Variants in LRRC75B observed in about 807,000 individuals in gnomAD.
LRRC75B encodes leucine-rich repeat-containing protein 75B.
In LRRC75B, 20 loss-of-function variants were observed where a neutral mutation model predicts 16.5. The observed-to-expected ratio is 1.21, with a 90% confidence interval of 0.85 to 1.76. The LOEUF (loss-of-function observed/expected upper bound fraction) is 1.76. Ranked by LOEUF, LRRC75B falls within the 40% of genes most tolerant of loss-of-function variation. LRRC75B has a pLI of 0.00. For missense variants in LRRC75B, 406 were observed against 417.0 expected (o/e 0.97, Z 0.23); for synonymous variants, 199 against 198.1 (o/e 1.00, Z -0.04).
At chr22:24,592,436 G>A (rs557591301) in intron 1 of LRRC75B, 2 of 470,310 alleles carry the variant, frequency 4.3e-6, no homozygotes, top group Non-Finnish European at 8.8e-6. Flanking sequence ...GGAGGAGGGG[G>A]AAGTTACCCT....
chr22:24,592,410 C>T (rs1405417360), intron 1 of LRRC75B: 2 of 470,840 alleles, frequency 4.2e-6, no homozygotes, highest in Admixed American at 4.7e-5. Flanking sequence ...CCAGGGTCCA[C>T]TGTCTCCCGG....
chr22:24,585,887 C>A lies in LRRC75B; in HGVS notation c.947G>T (p.Ter316LeuextTer10). ...GPEPQACCAR[*>L] ...GCAATGAGCCAGGTGGGTGGTGGGT[C>A]ACCTGGCACAGCAGGCCTGGGGCTC... Residue 316 changes from the stop codon to leucine, a stop_lost, in exon 4 of 4, where the codon TGA (stop) becomes TTA (leucine). Transcript: ENST00000318753. The A allele has an allele frequency of 6.3e-7, 1 of 1,578,190 alleles. No homozygotes were observed. Among genetic ancestry groups the A allele is most frequent in the South Asian group, 1.1e-5 (1 of 88,678 alleles).
intron 3 of LRRC75B, 138 bp downstream of exon 3, chr22:24,588,076 T>C (rs1601588929): frequency 4.4e-6 from 3 of 678,910 alleles, no homozygotes; most frequent in Admixed American, 4.6e-5. Flanking sequence ...ACTTCCAGGG[T>C]AGGGCCCTCA....
chr22:24,586,691 C>T (rs906370278), intron 3 of LRRC75B, among the ~76,000 whole-genome samples: 1 of 152,254 alleles, frequency 6.6e-6, no homozygotes, highest in Admixed American at 6.5e-5. Context: ...GCCACCACGC[C>T]TGGCTAATTT....
At chr22:24,589,778 C>T in intron 2 of LRRC75B, 43 bp downstream of exon 2, 1 of 1,573,688 alleles carries the variant, frequency 6.4e-7, no homozygotes, top group South Asian at 1.2e-5. Context: ...GCCCCCCTGT[C>T]CACCACAGTG....
intron 3 of LRRC75B, among the ~76,000 whole-genome samples, chr22:24,587,150 T>C (rs2045418662): frequency 6.6e-6 from 1 of 152,176 alleles, no homozygotes; most frequent in African/African-American, 2.4e-5. Context: ...TGATGTCGAT[T>C]CTTTTAGGGT....
At position 24,586,554 on chromosome 22, in the gene LRRC75B, A is replaced by C. The variant is rs9612662; in HGVS notation, c.423-143T>G. 64 of 946,418 alleles carry C rather than the reference A, an allele frequency of 6.8e-5. No individual in the cohort carries two copies. The East Asian group carries it at 1.5e-3, about 22-fold the overall frequency. 58.6% of individuals were successfully genotyped at this position (946,418 alleles called of 1,614,324 possible). On this transcript the variant is annotated intron_variant, in intron 3 of 3. Coordinates refer to ENST00000318753, the MANE Select transcript of LRRC75B (RefSeq NM_207644.3). ...CTGTGTCTTTCGTATTTTTTGAGAC[A>C]AAGTTTCGCTCTTTTTGTCCAGGCT... is the stretch of plus-strand genomic sequence containing the variant.
At position 24,589,856 on chromosome 22, in the gene LRRC75B, C is replaced by G; in HGVS notation, c.271G>C (p.Val91Leu). The change falls in exon 2 of 4, where the codon GTG becomes CTG. Residue 91 changes from valine (V) to leucine (L), a missense_variant. Val to Leu is a conservative substitution (Grantham distance 32, BLOSUM62 1). Transcript: ENST00000318753. ...PVDPISHDLL[V>L]NLARDLQCPK... ...CACTGCAGGTCCCGGGCCAGGTTCA[C>G]AAGCAGGTCATGGGAGATGGGGTCG... 6.2e-7 allele frequency: 1 copy of G among 1,613,830 alleles called. No individual in the cohort carries two copies. Among genetic ancestry groups the G allele is most frequent in the Non-Finnish European group, 8.5e-7 (1 of 1,179,878 alleles).
chr22:24,589,885 G>C lies in LRRC75B; in HGVS notation c.242C>G (p.Pro81Arg), dbSNP rs150007743. 1.2e-6 allele frequency: 2 copies of C among 1,613,666 alleles called. No homozygotes were observed. The highest frequency in any genetic ancestry group is 1.7e-5 in the Admixed American group (1 of 59,946). The stretch of plus-strand genomic sequence containing the variant: ...CAGGTCATGGGAGATGGGGTCGACC[G>C]GGTTGAGGAAGGCCACATCTCTGTA... The part of the protein sequence containing the change: ...ILYRDVAFLN[P>R]VDPISHDLLV... Residue 81 changes from proline to arginine, a missense_variant, in exon 2 of 4, where the codon CCG (proline) becomes CGG (arginine). Transcript: ENST00000318753.
chr22:24,592,359 G>A (rs1169857806), intron 1 of LRRC75B: 3 of 470,764 alleles, frequency 6.4e-6, no homozygotes, highest in Non-Finnish European at 1.3e-5. Context: ...ATGGTGTCTT[G>A]GGGTGAGGCT....
At chr22:24,592,247 G>C in intron 1 of LRRC75B, 1 of 461,422 alleles carries the variant, frequency 2.2e-6, no homozygotes. Flanking sequence ...GCCACCACCG[G>C]ACCGAGTGTT....
intron 1 of LRRC75B, 80 bp from the exon 2 acceptor site, chr22:24,590,029 CT>C (rs1299747378): frequency 6.3e-6 from 9 of 1,431,598 alleles, no homozygotes; most frequent in Non-Finnish European, 8.3e-6. Context: ...CCAGATGCTG[CT>C]TATGCCCGTT....
chr22:24,589,786 G>T, intron 2 of LRRC75B, 35 bp downstream of exon 2: 1 of 1,587,058 alleles, frequency 6.3e-7, no homozygotes, highest in Non-Finnish European at 8.6e-7. Context: ...GTCCACCACA[G>T]TGCCCAGCCC....
rs1048265382 is a variant in LRRC75B at position 24,588,420 on chromosome 22, G to A, written c.307-91C>T. The A allele has an allele frequency of 1.7e-5, 17 of 1,006,280 alleles. 1 individual carries two copies. Among genetic ancestry groups the A allele is most frequent in the Non-Finnish European group, 2.6e-5 (17 of 653,484 alleles). The allele number at this position is 1,006,280 out of a possible 1,614,324, so 62.3% of individuals were successfully genotyped here. On this transcript the variant is annotated intron_variant, in intron 2 of 3. Transcript: ENST00000318753. The stretch of plus-strand genomic sequence containing the variant: ...GAGGGACCCAGGCAGCCAAGTGTGT[G>A]TGTGAGCACAGTCATGCACCATGCA...
chr22:24,585,753 G>C lies in LRRC75B; in HGVS notation c.*133C>G. On this transcript the variant is annotated 3_prime_UTR_variant, in exon 4 of 4. Transcript: ENST00000318753. ...TGGCCACCTATGAGTCCATTCTTCT[G>C]TCCCCTTAATCTCAGGCTGAGCATT... 2.0e-6 allele frequency: 2 copies of C among 1,009,402 alleles called. No homozygotes were observed. Among genetic ancestry groups the C allele is most frequent in the South Asian group, 3.4e-5 (2 of 58,680 alleles). The allele number at this position is 1,009,402 out of a possible 1,614,324, so 62.5% of individuals were successfully genotyped here.
Position 24,588,719 on chromosome 22 carries a change from G to A in LRRC75B, c.307-390C>T, listed in dbSNP as rs140985123. On this transcript the variant is annotated intron_variant, in intron 2 of 3. Coordinates refer to ENST00000318753, the MANE Select transcript of LRRC75B (RefSeq NM_207644.3). ...CCAGACCAGGCCCCTCGAGGGAGCC[G>A]TGCTCCACTGACGCCAATCCCAGGG... The A allele has an allele frequency of 9.8e-4, 1,043 of 1,068,242 alleles. 20 individuals carry two copies. The East Asian group carries it at 0.02, about 20-fold the overall frequency. 66.2% of individuals were successfully genotyped at this position (1,068,242 alleles called of 1,614,324 possible). A position where few individuals can be genotyped will look rare whatever the true frequency, so the allele number is the denominator to read the frequency against.
intron 2 of LRRC75B, chr22:24,588,718 C>T (rs984061953): frequency 8.4e-6 from 9 of 1,067,184 alleles, no homozygotes; most frequent in Non-Finnish European, 1.0e-5. Flanking sequence ...TCGAGGGAGC[C>T]GTGCTCCACT....
At chr22:24,592,473 AT>A in intron 1 of LRRC75B, 1 of 460,372 alleles carries the variant, frequency 2.2e-6, no homozygotes, top group Non-Finnish European at 4.5e-6. Context: ...ATACAAGATG[AT>A]TTGACCTCAC....
intron 1 of LRRC75B, 71 bp downstream of exon 1, chr22:24,592,792 G>A (rs2045611460): frequency 7.9e-7 from 1 of 1,271,060 alleles, no homozygotes; most frequent in Admixed American, 4.0e-5. Flanking sequence ...ATAGCCCCGC[G>A]CCTCCCAGAC....
Sources: allele counts gnomAD v4.1 joint callset (sites outside exome capture counted in the v4.1 genomes callset), GRCh38; gene constraint gnomAD v4.1.1; transcripts MANE v1.5; gene names NCBI Gene and HGNC (gene_info 2026-07-23, HGNC 2026-07-21).